NCAPG2: variants seen among roughly 807,000 people sequenced by gnomAD.
NCAPG2 encodes non-SMC condensin II complex subunit G2.
In NCAPG2, 53 loss-of-function variants were observed where a neutral mutation model predicts 141.1. That is an observed-to-expected ratio of 0.38 (90% CI 0.30 to 0.47). The LOEUF (loss-of-function observed/expected upper bound fraction) is 0.47. Among genes scored for constraint, NCAPG2 ranks in the 20% least tolerant of loss-of-function variants. The probability of loss-of-function intolerance (pLI) is 0.99; values close to 1 mark genes in which losing one functional copy is unlikely to be tolerated. For synonymous variants in NCAPG2, 499 were observed against 490.7 expected (o/e 1.02, Z -0.22); for missense variants, 1,087 against 1,389.0 (o/e 0.78, Z 3.46).
At position 158,671,685 on chromosome 7, in the gene NCAPG2, TAAAC is replaced by T. The variant is rs766324230; in HGVS notation, c.1327-23_1327-20del. On this transcript the variant is annotated intron_variant, in intron 12 of 27. Transcript: ENST00000356309. The stretch of plus-strand genomic sequence containing the variant: ...GCAGACACTGCAACAGAGAGAAAGA[TAAAC>T]AATTCAAAATCAGAACATGCCAATG... 5.0e-6 allele frequency: 8 copies of T among 1,610,668 alleles called. No homozygotes were observed. The Admixed American group carries it at 1.3e-4, about 27-fold the overall frequency.
At chr7:158,702,504 C>T (rs1835873542) in intron 1 of NCAPG2, among the ~76,000 whole-genome samples, 1 of 152,198 alleles carries the variant, frequency 6.6e-6, no homozygotes, top group Admixed American at 6.5e-5. Context: ...AATGAGAGCT[C>T]AGGGGACTTT....
intron 21 of NCAPG2, 46 bp downstream of exon 21, chr7:158,655,072 A>G (rs998217715): frequency 1.9e-6 from 3 of 1,544,560 alleles, no homozygotes; most frequent in Non-Finnish European, 2.6e-6. Context: ...CTGAAACATA[A>G]CAAACTTGGT....
chr7:158,646,542 T>A lies in NCAPG2; in HGVS notation c.3097A>T (p.Thr1033Ser). The A allele has an allele frequency of 6.3e-7, 1 of 1,578,720 alleles. No individual in the cohort carries two copies. Among genetic ancestry groups the A allele is most frequent in the Non-Finnish European group, 8.6e-7 (1 of 1,169,564 alleles). ...LRKVSDVEEL[T>S]PPEHLSDLPP... ...AGATCAGAAAGATGCTCTGGAGGGG[T>A]AAGCTCTTCTACGTCAGAAACCTAA... Residue 1033 changes from threonine (T) to serine (S), a missense_variant, in exon 25 of 28, where the codon ACC (threonine) becomes TCC (serine). Transcript: ENST00000356309.
rs750275688 is a variant in NCAPG2, at chr7:158,652,465, T to TA, written c.2761dup (p.Tyr921LeufsTer7). On this transcript the variant is annotated frameshift_variant, in exon 23 of 28. Transcript: ENST00000356309. LOFTEE classifies it high-confidence loss of function. ...CAGAATGTCAAGAAGTAATGAAACA[T>TA]AAAAAAATCCCTTCACTAGAAAGAA... 23 of 1,595,632 alleles carry TA rather than the reference T, an allele frequency of 1.4e-5. No individual in the cohort carries two copies. The highest frequency in any genetic ancestry group is 3.4e-6 in the Non-Finnish European group (4 of 1,174,144).
chr7:158,656,150 C>A, intron 19 of NCAPG2, 110 bp downstream of exon 19: 6 of 1,360,044 alleles, frequency 4.4e-6, no homozygotes, highest in Non-Finnish European at 6.1e-6. Context: ...ACTCTCAATT[C>A]TGTTCCAGCC....
intron 12 of NCAPG2, among the ~76,000 whole-genome samples, chr7:158,672,102 C>T (rs1251366084): frequency 1.3e-5 from 2 of 151,818 alleles, no homozygotes; most frequent in Non-Finnish European, 2.9e-5. Context: ...GACTCGAACG[C>T]ACTCTCGGCT....
intron 2 of NCAPG2, among the ~76,000 whole-genome samples, chr7:158,701,546 C>A (rs961089811): frequency 1.3e-5 from 2 of 152,208 alleles, no homozygotes; most frequent in Non-Finnish European, 2.9e-5. Context: ...ACACAACAAA[C>A]CTTCTCTAGT....
chr7:158,655,513 G>C lies in NCAPG2; in HGVS notation c.2389-58C>G, dbSNP rs201176294. On this transcript the variant is annotated intron_variant, in intron 19 of 27. Transcript: ENST00000356309. ...GACTGACAAGGCACCACCACACCCC[G>C]TACAGCAAGAACAATGGGAAGCACC... The C allele has an allele frequency of 2.9e-3, 4,014 of 1,391,226 alleles. 15 individuals are homozygous for C. Among genetic ancestry groups the C allele is most frequent in the South Asian group, 4.9e-3 (419 of 85,548 alleles). 86.2% of individuals were successfully genotyped at this position (1,391,226 alleles called of 1,614,324 possible).
At chr7:158,639,735 C>T (rs1159117184) in intron 27 of NCAPG2, 1 of 522,046 alleles carries the variant, frequency 1.9e-6, no homozygotes, top group Non-Finnish European at 2.5e-6. Context: ...AAGTTACCAA[C>T]TAATGCTGAG....
intron 1 of NCAPG2, among the ~76,000 whole-genome samples, chr7:158,704,017 G>A (rs1563591474): frequency 6.6e-6 from 1 of 151,560 alleles, no homozygotes; most frequent in Admixed American, 6.6e-5. Flanking sequence ...TCTGAGGGCA[G>A]TGCCCATGCC....
intron 2 of NCAPG2, among the ~76,000 whole-genome samples, chr7:158,701,245 GAAGAGCACAACCT>G (rs989235415): frequency 5.9e-5 from 9 of 152,150 alleles, no homozygotes; most frequent in African/African-American, 2.2e-4. Flanking sequence ...CCATCATTTT[GAAGAGCACAACCT>G]AAGAGGTTAG....
In NCAPG2 at chr7:158,689,331, T is replaced by C. The variant is rs111514089; in HGVS notation, c.672+488A>G. Among the ~76,000 whole-genome samples the C allele has an allele frequency of 7.2e-5, 11 of 152,296 alleles. 1 individual carries two copies. The highest frequency in any genetic ancestry group is 2.6e-4 in the African/African-American group (11 of 41,570). ...ATTTTATACTTATGGCTAATCTCAG[T>C]TCAGTTGGGTCCCATTTCAGGTGCT... On this transcript the variant is annotated intron_variant, in intron 6 of 27. Transcript: ENST00000356309.
intron 26 of NCAPG2, 25 bp downstream of exon 26, chr7:158,645,494 G>A (rs2290393): frequency 0.6 from 964,311 of 1,600,976 alleles, 293,292 homozygotes; most frequent in Non-Finnish European, 0.62. Flanking sequence ...CCACCTTCCA[G>A]ATGACAGAGG....
At chr7:158,665,682 C>T (rs1832872726) in intron 13 of NCAPG2, among the ~76,000 whole-genome samples, 1 of 152,140 alleles carries the variant, frequency 6.6e-6, no homozygotes, top group South Asian at 2.1e-4. Flanking sequence ...TCCCCCTTGT[C>T]AGTCGACCTG....
chr7:158,701,206 C>A (rs1207936369), intron 2 of NCAPG2, among the ~76,000 whole-genome samples: 1 of 152,206 alleles, frequency 6.6e-6, no homozygotes, highest in Non-Finnish European at 1.5e-5. Flanking sequence ...CACTACCAAG[C>A]AGCTTCCCAT....
At position 158,672,277 on chromosome 7, in the gene NCAPG2, CAT is replaced by C. The variant is rs1491488198; in HGVS notation, c.1327-613_1327-612del. 1.2e-3 allele frequency among the ~76,000 whole-genome samples: 18 copies of C among 14,698 alleles called. No individual in the cohort carries two copies. In the South Asian group the frequency reaches 0.022, roughly 18 times the overall value. 9.6% of individuals were successfully genotyped at this position (14,698 alleles called of 152,430 possible). A position where few individuals can be genotyped will look rare whatever the true frequency, so the allele number is the denominator to read the frequency against. On this transcript the variant is annotated intron_variant, in intron 12 of 27. Transcript: ENST00000356309. ...AAAAGTATATACGGTATTCCAAACA[CAT>C]GTGTGTGTGTGTGTATATATATATA...
chr7:158,664,276 GAATAAC>G lies in NCAPG2; in HGVS notation c.1717_1722del (p.Val573_Ile574del). On this transcript the variant is annotated inframe_deletion, in exon 15 of 28. Transcript: ENST00000356309. ...TGGATACAGGCATTTAAGCAATGAC[GAATAAC>G]GTGAATCAGCTTTGCTGAAATGTTT... 1 of 1,613,104 alleles carries G rather than the reference GAATAAC, an allele frequency of 6.2e-7. No homozygotes were observed. The highest frequency in any genetic ancestry group is 8.5e-7 in the Non-Finnish European group (1 of 1,179,124).
At chr7:158,689,735 T>A (rs1400846569) in intron 6 of NCAPG2, 84 bp downstream of exon 6, 2 of 1,297,666 alleles carry the variant, frequency 1.5e-6, no homozygotes, top group Non-Finnish European at 2.1e-6. Context: ...CCGAGCATGG[T>A]GCAGACAGGA....
At chr7:158,643,494 A>T (rs1437673873) in intron 27 of NCAPG2, among the ~76,000 whole-genome samples, 1 of 152,214 alleles carries the variant, frequency 6.6e-6, no homozygotes, top group Non-Finnish European at 1.5e-5. Context: ...CAAATTTTCT[A>T]GTGAAGTGAG....
Sources: allele counts gnomAD v4.1 joint callset (sites outside exome capture counted in the v4.1 genomes callset), GRCh38; gene constraint gnomAD v4.1.1; transcripts MANE v1.5; gene names NCBI Gene and HGNC (gene_info 2026-07-23, HGNC 2026-07-21).